ALK: variants seen among roughly 807,000 people sequenced by gnomAD.
ALK encodes ALK receptor tyrosine kinase.
In ALK, 74 loss-of-function variants were observed where a neutral mutation model predicts 163.1. That is an observed-to-expected ratio of 0.45 (90% CI 0.38 to 0.55). The LOEUF (loss-of-function observed/expected upper bound fraction) is 0.55, where lower values mean the gene tolerates loss of function less well. ALK is among the 20% of genes least tolerant of loss of function. The probability of loss-of-function intolerance (pLI) is 0.00; values close to 1 mark genes in which losing one functional copy is unlikely to be tolerated. For synonymous variants in ALK, 960 were observed against 843.2 expected (o/e 1.14, Z -2.40); for missense variants, 2,063 against 2,105.3 (o/e 0.98, Z 0.39).
At chr2:29,504,212 C>T (rs925589505) in intron 4 of ALK, among the ~76,000 whole-genome samples, 4 of 151,954 alleles carry the variant, frequency 2.6e-5, no homozygotes, top group African/African-American at 9.7e-5. Context: ...GCAGTGAGTA[C>T]AAAGGGCCAG....
At chr2:29,589,273 G>C (rs1674979115) in intron 3 of ALK, among the ~76,000 whole-genome samples, 1 of 152,212 alleles carries the variant, frequency 6.6e-6, no homozygotes, top group South Asian at 2.1e-4. Flanking sequence ...CCAGGTAGGA[G>C]ATGGGGTCTG....
intron 4 of ALK, among the ~76,000 whole-genome samples, chr2:29,456,969 C>T (rs1003352375): frequency 5.9e-5 from 9 of 152,270 alleles, no homozygotes; most frequent in Non-Finnish European, 1.2e-4. Context: ...AACGACATTT[C>T]TACTGCAAGA....
At chr2:29,911,405 T>G (rs570528758) in intron 1 of ALK, among the ~76,000 whole-genome samples, 8 of 152,238 alleles carry the variant, frequency 5.3e-5, no homozygotes, top group African/African-American at 1.4e-4. Flanking sequence ...GTCCAAAGGG[T>G]ATGGAGGGAA....
intron 1 of ALK, among the ~76,000 whole-genome samples, chr2:29,787,663 AAGAC>A (rs1664074029): frequency 6.6e-6 from 1 of 152,204 alleles, no homozygotes; most frequent in African/African-American, 2.4e-5. Flanking sequence ...GAATGAGAAA[AAGAC>A]AGTCTGTAGA....
chr2:29,702,611 C>T (rs1482768862), intron 2 of ALK, among the ~76,000 whole-genome samples: 2 of 152,160 alleles, frequency 1.3e-5, no homozygotes, highest in Non-Finnish European at 2.9e-5. Flanking sequence ...TCTCATGCTG[C>T]TAATAAAGAC....
intron 3 of ALK, among the ~76,000 whole-genome samples, chr2:29,670,838 CCGTTT>C (rs927713084): frequency 2.6e-5 from 4 of 151,994 alleles, no homozygotes; most frequent in African/African-American, 7.2e-5. Context: ...TCTAAGGTTT[CCGTTT>C]TATTTTTAAA....
chr2:29,217,103 TG>T (rs1669646663), intron 23 of ALK, among the ~76,000 whole-genome samples: 1 of 120,498 alleles, frequency 8.3e-6, no homozygotes, highest in South Asian at 3.2e-4. Context: ...GTCTATGTGG[TG>T]TGTCTGTGGG....
chr2:29,200,571 A>G (rs139881834), intron 26 of ALK, among the ~76,000 whole-genome samples: 15 of 151,834 alleles, frequency 9.9e-5, no homozygotes, highest in African/African-American at 3.6e-4. Flanking sequence ...TTCACTGACC[A>G]TTTTGTATTT....
intron 3 of ALK, among the ~76,000 whole-genome samples, chr2:29,661,740 T>C (rs1334005390): frequency 6.6e-6 from 1 of 152,208 alleles, no homozygotes; most frequent in Non-Finnish European, 1.5e-5. Context: ...TTGTGTTCAC[T>C]CTATCCTCCA....
At chr2:29,780,275 C>T (rs1681297660) in intron 1 of ALK, among the ~76,000 whole-genome samples, 1 of 152,184 alleles carries the variant, frequency 6.6e-6, no homozygotes, top group African/African-American at 2.4e-5. Context: ...CCTGAGATTG[C>T]CAGGGGACAG....
chr2:29,819,046 G>A (rs1403361709), intron 1 of ALK, among the ~76,000 whole-genome samples: 1 of 152,162 alleles, frequency 6.6e-6, no homozygotes, highest in Non-Finnish European at 1.5e-5. Context: ...ATGGGGGAAG[G>A]GAGGAGACAT....
Position 29,921,475 on chromosome 2 carries a change from A to G in ALK, c.-816T>C, listed in dbSNP as rs1668003478. 6 of 231,914 alleles carry G rather than the reference A, an allele frequency of 2.6e-5. No individual in the cohort carries two copies. In the South Asian group the frequency reaches 1.1e-3, roughly 42 times the overall value. 14.4% of individuals were successfully genotyped at this position (231,914 alleles called of 1,614,324 possible). ...CAGCGCCCGCGGCTTTGGGTGGCCG[A>G]CCAGAGGGCGGCCGGAAAGCACCTC... On this transcript the variant is annotated 5_prime_UTR_variant, in exon 1 of 29. Coordinates refer to ENST00000389048, the MANE Select transcript of ALK (RefSeq NM_004304.5).
At chr2:29,519,033 A>G (rs1036730964) in intron 4 of ALK, among the ~76,000 whole-genome samples, 16 of 152,258 alleles carry the variant, frequency 1.1e-4, no homozygotes, top group African/African-American at 3.6e-4. Context: ...TATTTTCACA[A>G]AGAGCCTACA....
At chr2:29,646,259 C>T (rs1181760246) in intron 3 of ALK, among the ~76,000 whole-genome samples, 1 of 152,172 alleles carries the variant, frequency 6.6e-6, no homozygotes, top group Non-Finnish European at 1.5e-5. Context: ...CTCTCTTTCT[C>T]TCACATTCTA....
intron 3 of ALK, among the ~76,000 whole-genome samples, chr2:29,537,954 C>A (rs1323076110): frequency 6.6e-6 from 1 of 152,210 alleles, no homozygotes; most frequent in Non-Finnish European, 1.5e-5. Context: ...CCTATTACCC[C>A]TTTGTTTTGG....
chr2:29,826,268 T>C (rs5011189), intron 1 of ALK, among the ~76,000 whole-genome samples: 121,575 of 151,628 alleles, frequency 0.8, 49,337 homozygotes, highest in Admixed American at 0.89. Flanking sequence ...AGAAAGAGTG[T>C]GCCTGTGATT....
At chr2:29,608,770 C>T (rs1675609527) in intron 3 of ALK, among the ~76,000 whole-genome samples, 1 of 152,194 alleles carries the variant, frequency 6.6e-6, no homozygotes, top group Non-Finnish European at 1.5e-5. Flanking sequence ...AAATCTTAGA[C>T]AGAGGACTTC....
chr2:29,545,000 G>A (rs1457714375), intron 3 of ALK, among the ~76,000 whole-genome samples: 1 of 152,158 alleles, frequency 6.6e-6, no homozygotes, highest in Non-Finnish European at 1.5e-5. Context: ...CACTCACTGG[G>A]TATATGCCTG....
intron 5 of ALK, 33 bp downstream of exon 5, chr2:29,383,699 A>G (rs368231537): frequency 6.2e-7 from 1 of 1,613,704 alleles, no homozygotes; most frequent in African/African-American, 1.3e-5. Context: ...ACAATAGGCT[A>G]CCAAGGAGCG....
Sources: allele counts gnomAD v4.1 joint callset (sites outside exome capture counted in the v4.1 genomes callset), GRCh38; gene constraint gnomAD v4.1.1; transcripts MANE v1.5; gene names NCBI Gene and HGNC (gene_info 2026-07-23, HGNC 2026-07-21).